Variants in IGHMBP2 observed in about 807,000 individuals in gnomAD.
The protein encoded by IGHMBP2 is DNA-binding protein SMUBP-2.
IGHMBP2 carries 81 observed loss-of-function variants against 96.0 expected under a neutral mutation model. The observed-to-expected ratio is 0.84, with a 90% CI of 0.71 to 1.01. The LOEUF is 1.01. Ranked by LOEUF, IGHMBP2 falls within the 50% of genes least tolerant of loss-of-function variation. IGHMBP2 has a pLI of 0.00. For synonymous variants in IGHMBP2, 557 were observed against 548.9 expected (o/e 1.01, Z -0.21); for missense variants, 1,227 against 1,306.3 (o/e 0.94, Z 0.94).
rs11418103 is a variant in IGHMBP2, at chr11:68,916,975, CTTTT to C, written c.913-738_913-735del. 1.8e-3 allele frequency among the ~76,000 whole-genome samples: 189 copies of C among 103,354 alleles called. 1 individual carries two copies. Among genetic ancestry groups the C allele is most frequent in the African/African-American group, 7.5e-3 (175 of 23,348 alleles). The allele number at this position is 103,354 out of a possible 152,430, so 67.8% of individuals were successfully genotyped here. A position where few individuals can be genotyped will look rare whatever the true frequency, so the allele number is the denominator to read the frequency against. ...AATCACAAATAAGGAAAGGTTACAT[CTTTT>C]TTTTTTTTTTTTTTTTTTTTTTAAA... is the stretch of plus-strand genomic sequence containing the variant. On this transcript the variant is annotated intron_variant, in intron 6 of 14. Transcript: ENST00000255078.
In IGHMBP2 at chr11:68,939,928, C is replaced by T; in HGVS notation, c.*197C>T. 1 of 616,656 alleles carries T rather than the reference C, an allele frequency of 1.6e-6. No individual in the cohort carries two copies. Among genetic ancestry groups the T allele is most frequent in the Non-Finnish European group, 2.9e-6 (1 of 348,360 alleles). The allele number at this position is 616,656 out of a possible 1,614,324, so 38.2% of individuals were successfully genotyped here. A position where few individuals can be genotyped will look rare whatever the true frequency, so the allele number is the denominator to read the frequency against. On this transcript the variant is annotated 3_prime_UTR_variant, in exon 15 of 15. Coordinates refer to ENST00000255078, the MANE Select transcript of IGHMBP2 (RefSeq NM_002180.3). ...CGATGTCACAATGTGGAGGAAAGCA[C>T]CTGGGGGACAACAGTGCTCGTGCAG...
intron 7 of IGHMBP2, among the ~76,000 whole-genome samples, chr11:68,921,208 C>T (rs1439225154): frequency 6.8e-6 from 1 of 146,006 alleles, no homozygotes; most frequent in Non-Finnish European, 1.5e-5. Flanking sequence ...CATAAGTTCT[C>T]ACTATGCCCC....
At chr11:68,936,148 T>G in intron 12 of IGHMBP2, 89 bp from the exon 13 acceptor site, 15 of 1,463,636 alleles carry the variant, frequency 1.0e-5, no homozygotes, top group East Asian at 2.3e-5. Flanking sequence ...GGACTACACT[T>G]TTGGTGGTGG....
rs571303275 is a variant in IGHMBP2, at chr11:68,937,053, A to G, written c.2573A>G (p.Gln858Arg). 8 of 1,604,932 alleles carry G rather than the reference A, an allele frequency of 5.0e-6. No individual in the cohort carries two copies. The highest frequency in any genetic ancestry group is 4.5e-5 in the East Asian group (2 of 44,886). Residue 858 changes from glutamine to arginine, a missense_variant, in exon 13 of 15, where the codon CAG becomes CGG. Gln to Arg is a conservative substitution (Grantham distance 43). Coordinates refer to ENST00000255078, the MANE Select transcript of IGHMBP2 (RefSeq NM_002180.3). ...AGCAAGGAGCAGCAGGCCTCAGGGC[A>G]GCAGAAACTTCCAGAAAAGAAAAAG... ...PASKEQQASG[Q>R]QKLPEKKKKK... is the part of the protein sequence containing the mutation.
In IGHMBP2 at chr11:68,906,252, G is replaced by A; in HGVS notation, c.256+14G>A. 1 of 1,613,590 alleles carries A rather than the reference G, an allele frequency of 6.2e-7. No homozygotes were observed. Among genetic ancestry groups the A allele is most frequent in the Admixed American group, 1.7e-5 (1 of 60,008 alleles). On this transcript the variant is annotated intron_variant, in intron 2 of 14. Coordinates refer to ENST00000255078, the MANE Select transcript of IGHMBP2 (RefSeq NM_002180.3). Reference sequence around the variant, plus strand: ...GCTTTACTTCTGGTGTGTGCGTATTGACCTAGACAGACATTGAAATTTACT... The same window carrying A: ...GCTTTACTTCTGGTGTGTGCGTATTAACCTAGACAGACATTGAAATTTACT...
At position 68,939,752 on chromosome 11, in the gene IGHMBP2, C is replaced by T. The variant is rs757156886; in HGVS notation, c.*21C>T. On this transcript the variant is annotated 3_prime_UTR_variant, in exon 15 of 15. Transcript: ENST00000255078. ...CGTGACCGGCCGCATCCTTGCACGC[C>T]CCGCGGAGCTCTCTCCATGGTAGCC... 6.3e-6 allele frequency: 10 copies of T among 1,589,408 alleles called. No individual in the cohort carries two copies. The highest frequency in any genetic ancestry group is 8.6e-6 in the Non-Finnish European group (10 of 1,168,700).
In IGHMBP2 at chr11:68,936,466, T is replaced by C. The variant is rs778151623; in HGVS notation, c.1986T>C (p.Ala662=). The C allele has an allele frequency of 4.3e-6, 7 of 1,613,770 alleles. No individual in the cohort carries two copies. In the Admixed American group the frequency reaches 5.0e-5, roughly 12 times the overall value. Residue 662 remains alanine (A), a synonymous_variant, in exon 13 of 15, where the codon GCT becomes GCC. Transcript: ENST00000255078. ...AGAACTCCCAGGGTTCCAGCCACGC[T>C]GCCACCAAGCCCCAGGGACCTGCTA... The part of the protein sequence containing the change: ...SHENSQGSSH[A]ATKPQGPATS...
At chr11:68,925,873 G>A (rs185686789) in intron 7 of IGHMBP2, among the ~76,000 whole-genome samples, 5 of 152,174 alleles carry the variant, frequency 3.3e-5, no homozygotes, top group African/African-American at 9.6e-5. Context: ...TTCAAGTGTC[G>A]TCTTTTGTCT....
intron 14 of IGHMBP2, among the ~76,000 whole-genome samples, chr11:68,939,198 G>C (rs1859658639): frequency 6.6e-6 from 1 of 152,166 alleles, no homozygotes; most frequent in East Asian, 1.9e-4. Flanking sequence ...GTACCCTCTA[G>C]GGTGTCAGCA....
intron 7 of IGHMBP2, 54 bp from the exon 8 acceptor site, chr11:68,929,129 G>T (rs543994954): frequency 1.4e-5 from 21 of 1,536,694 alleles, no homozygotes; most frequent in Non-Finnish European, 1.7e-5. Context: ...GTGTGGCTGC[G>T]CTGTTGGGAA....
intron 2 of IGHMBP2, among the ~76,000 whole-genome samples, chr11:68,907,052 G>T (rs2154006611): frequency 6.6e-6 from 1 of 152,142 alleles, no homozygotes; most frequent in South Asian, 2.1e-4. Context: ...TTGATCTCAG[G>T]AGTTCGAGAC....
chr11:68,914,766 C>G (rs1215932473), intron 5 of IGHMBP2, 57 bp from the exon 6 acceptor site: 1 of 1,576,346 alleles, frequency 6.3e-7, no homozygotes, highest in African/African-American at 1.3e-5. Context: ...GTTTTAGTGT[C>G]AACTTCAGTG....
chr11:68,913,213 T>A (rs957377502), intron 5 of IGHMBP2, among the ~76,000 whole-genome samples: 1 of 152,116 alleles, frequency 6.6e-6, no homozygotes, highest in Non-Finnish European at 1.5e-5. Flanking sequence ...AATGTGTGAG[T>A]GTCTTTGCAC....
At chr11:68,937,749 ATTC>A (rs1859607991) in intron 13 of IGHMBP2, 2 of 232,790 alleles carry the variant, frequency 8.6e-6, no homozygotes, top group Non-Finnish European at 1.7e-5. Flanking sequence ...GCTTGCATTG[ATTC>A]ATTGAATTCC....
chr11:68,906,071 C>T lies in IGHMBP2; in HGVS notation c.89C>T (p.Ser30Phe), dbSNP rs772945179. The T allele has an allele frequency of 7.4e-6, 12 of 1,613,878 alleles. No homozygotes were observed. The highest frequency in any genetic ancestry group is 2.7e-5 in the African/African-American group (2 of 74,900). The change falls in exon 2 of 15, where the codon TCC (serine) becomes TTC (phenylalanine). Residue 30 changes from serine (S) to phenylalanine (F), a missense_variant and splice_region_variant. By Grantham distance (155) the Ser-to-Phe change is radical. Transcript: ENST00000255078. ...ERDAEVEERR[S>F]WQENISLKEL... ...CATCAATACCGGGTGTCTTCCAGGTCCTGGCAGGAGAACATCTCTCTGAAA... is the reference window on the plus strand; with the variant it reads ...CATCAATACCGGGTGTCTTCCAGGTTCTGGCAGGAGAACATCTCTCTGAAA...
intron 2 of IGHMBP2, among the ~76,000 whole-genome samples, chr11:68,907,841 C>T (rs1165051063): frequency 2.0e-5 from 3 of 152,040 alleles, no homozygotes; most frequent in Non-Finnish European, 4.4e-5. Context: ...AGGTGCCCGC[C>T]ACCACGCCTG....
At chr11:68,929,107 G>GT in intron 7 of IGHMBP2, 76 bp from the exon 8 acceptor site, 1 of 1,324,478 alleles carries the variant, frequency 7.6e-7, no homozygotes, top group Non-Finnish European at 1.1e-6. Context: ...CAGCTTGATG[G>GT]TGTCTCCTCT....
At chr11:68,938,399 G>T in intron 14 of IGHMBP2, 45 bp downstream of exon 14, 12 of 1,541,788 alleles carry the variant, frequency 7.8e-6, no homozygotes, top group Non-Finnish European at 9.7e-6. Flanking sequence ...GGGAGGGGTG[G>T]TGGGTTCCGT....
intron 5 of IGHMBP2, among the ~76,000 whole-genome samples, chr11:68,912,334 A>G (rs1296461426): frequency 3.1e-4 from 47 of 151,782 alleles, no homozygotes; most frequent in Admixed American, 3.1e-3. Flanking sequence ...GTTTCACCAC[A>G]TTGGCCAGTC....
Sources: allele counts gnomAD v4.1 joint callset (sites outside exome capture counted in the v4.1 genomes callset), GRCh38; gene constraint gnomAD v4.1.1; transcripts MANE v1.5; gene names NCBI Gene and HGNC (gene_info 2026-07-23, HGNC 2026-07-21).